Variants in JARID2 observed in about 807,000 individuals in gnomAD.
JARID2 encodes the protein protein Jumonji.
In JARID2, 21 loss-of-function variants were observed where a neutral mutation model predicts 125.6. That is an observed-to-expected ratio of 0.17 (90% CI 0.12 to 0.24). The LOEUF is 0.24. Ranked by LOEUF, JARID2 falls within the 10% of genes least tolerant of loss-of-function variation. JARID2 has a pLI of 1.00. For missense variants in JARID2, 1,303 were observed against 1,639.6 expected (o/e 0.79, Z 3.55); for synonymous variants, 736 against 661.6 (o/e 1.11, Z -1.73).
At position 15,496,717 on chromosome 6, in the gene JARID2, C is replaced by A. The variant is rs371504573; in HGVS notation, c.1492C>A (p.Arg498=). ...GCCGGAGCGCAGTCTGGAGAGGAAT[C>A]GGCCGAAGCGGGCCACGGCCGGGAA... ...EVPERSLERN[R]PKRATAGKST... is the part of the protein sequence containing the mutation. The change falls in exon 7 of 18, where the codon CGG becomes AGG. Residue 498 remains arginine, a synonymous_variant. Coordinates refer to ENST00000341776, the MANE Select transcript of JARID2 (RefSeq NM_004973.4). 1.9e-6 allele frequency: 3 copies of A among 1,613,484 alleles called. No individual in the cohort carries two copies. Among genetic ancestry groups the A allele is most frequent in the Non-Finnish European group, 2.5e-6 (3 of 1,179,954 alleles).
intron 2 of JARID2, among the ~76,000 whole-genome samples, chr6:15,396,190 C>T (rs1204122282): frequency 6.6e-6 from 1 of 152,074 alleles, no homozygotes. Context: ...TTATGTGTTT[C>T]TTTTTCCAGC....
At chr6:15,419,036 T>C (rs748588970) in intron 3 of JARID2, among the ~76,000 whole-genome samples, 3 of 152,202 alleles carry the variant, frequency 2.0e-5, no homozygotes, top group Non-Finnish European at 2.9e-5. Context: ...TCCTTAATAA[T>C]TGGAATTATA....
At chr6:15,485,295 A>T (rs1769814860) in intron 5 of JARID2, among the ~76,000 whole-genome samples, 1 of 152,252 alleles carries the variant, frequency 6.6e-6, no homozygotes, top group South Asian at 2.1e-4. Context: ...TCTCCATCTT[A>T]TACCATGACA....
At position 15,290,871 on chromosome 6, in the gene JARID2, C is replaced by T. The variant is rs137958094; in HGVS notation, c.45+44287C>T. On this transcript the variant is annotated intron_variant, in intron 1 of 17. Coordinates refer to ENST00000341776, the MANE Select transcript of JARID2 (RefSeq NM_004973.4). ...TGCTGACCTCGTGATCCGCCTGCCT[C>T]GGCCTCCCAGAGTGCTGGGATTACA... 3.0e-4 allele frequency among the ~76,000 whole-genome samples: 45 copies of T among 152,314 alleles called. 2 individuals carry two copies. The East Asian group carries it at 6.6e-3, about 22-fold the overall frequency.
In JARID2 at chr6:15,433,821, G is replaced by A. The variant is rs79141419; in HGVS notation, c.324-18185G>A. Among the ~76,000 whole-genome samples the A allele has an allele frequency of 1.8e-3, 274 of 152,126 alleles. 1 individual carries two copies. The highest frequency in any genetic ancestry group is 5.9e-3 in the African/African-American group (246 of 41,488). On this transcript the variant is annotated intron_variant, in intron 3 of 17. Coordinates refer to ENST00000341776, the MANE Select transcript of JARID2 (RefSeq NM_004973.4). ...CTTTTCTCTTATAATTAGCATTAAT[G>A]GATGATACTGTGGCTGACAATAATG...
chr6:15,402,015 A>T (rs1159853998), intron 2 of JARID2, among the ~76,000 whole-genome samples: 1 of 152,036 alleles, frequency 6.6e-6, no homozygotes, highest in East Asian at 1.9e-4. Context: ...TAATAAGGAA[A>T]CAGGGGAACT....
At chr6:15,258,505 C>T (rs754809758) in intron 1 of JARID2, among the ~76,000 whole-genome samples, 7 of 152,150 alleles carry the variant, frequency 4.6e-5, no homozygotes, top group South Asian at 2.1e-4. Flanking sequence ...TGACTATAGC[C>T]GGACGTGGTG....
At chr6:15,306,742 A>C (rs946656269) in intron 1 of JARID2, among the ~76,000 whole-genome samples, 1 of 151,868 alleles carries the variant, frequency 6.6e-6, no homozygotes, top group Non-Finnish European at 1.5e-5. Flanking sequence ...GGTACTTAAA[A>C]ATTTTTTTTG....
intron 1 of JARID2, among the ~76,000 whole-genome samples, chr6:15,275,596 C>T (rs894369279): frequency 7.6e-6 from 1 of 131,884 alleles, no homozygotes; most frequent in Non-Finnish European, 1.5e-5. Context: ...TTTGAAATTA[C>T]ATGAGTATCC....
At chr6:15,438,888 C>A (rs1767327758) in intron 3 of JARID2, among the ~76,000 whole-genome samples, 1 of 152,068 alleles carries the variant, frequency 6.6e-6, no homozygotes, top group Admixed American at 6.6e-5. Flanking sequence ...AAAAATTAGC[C>A]AGGCATGGTG....
chr6:15,303,376 C>T (rs1325243881), intron 1 of JARID2, among the ~76,000 whole-genome samples: 1 of 152,256 alleles, frequency 6.6e-6, no homozygotes, highest in East Asian at 1.9e-4. Context: ...AAGTATGCTA[C>T]TGCTTTGCCT....
chr6:15,385,494 T>C (rs1764749856), intron 2 of JARID2, among the ~76,000 whole-genome samples: 1 of 150,920 alleles, frequency 6.6e-6, no homozygotes. Flanking sequence ...GATTTTTTAA[T>C]AGATTTTTTA....
intron 1 of JARID2, chr6:15,249,064 G>T (rs1759329652): frequency 1.8e-6 from 1 of 542,650 alleles, no homozygotes; most frequent in Non-Finnish European, 2.4e-6. Flanking sequence ...CCTCCTTTCT[G>T]CAGGAATGTT....
chr6:15,374,706 G>C (rs1003780891), intron 2 of JARID2, among the ~76,000 whole-genome samples: 1 of 152,200 alleles, frequency 6.6e-6, no homozygotes, highest in Admixed American at 6.5e-5. Flanking sequence ...CAGTGGGACA[G>C]CTTTGCATAC....
chr6:15,493,473 T>C (rs1286159080), intron 6 of JARID2, among the ~76,000 whole-genome samples: 1 of 152,190 alleles, frequency 6.6e-6, no homozygotes, highest in Non-Finnish European at 1.5e-5. Context: ...TGATTAGCGA[T>C]ATACGAAGCC....
intron 1 of JARID2, among the ~76,000 whole-genome samples, chr6:15,283,039 C>T (rs1210427375): frequency 4.6e-5 from 7 of 151,722 alleles, no homozygotes; most frequent in East Asian, 3.9e-4. Flanking sequence ...AGTGTAGTGG[C>T]GCGATCTTGG....
At chr6:15,308,355 A>G (rs1761905637) in intron 1 of JARID2, among the ~76,000 whole-genome samples, 1 of 152,204 alleles carries the variant, frequency 6.6e-6, no homozygotes, top group African/African-American at 2.4e-5. Context: ...GGCCATCTGG[A>G]TCTGGAGCCT....
rs1377069829 is a variant in JARID2, at chr6:15,509,164, A to G, written c.2846+710A>G. On this transcript the variant is annotated intron_variant, in intron 12 of 17. Coordinates refer to ENST00000341776, the MANE Select transcript of JARID2 (RefSeq NM_004973.4). ...TGATTGAGGCTGGGTCCCCGCCTGT[A>G]ATCCTGACTCTCACTGCACCCATCC... 5 of 1,284,582 alleles carry G rather than the reference A, an allele frequency of 3.9e-6. No homozygotes were observed. In the South Asian group the frequency reaches 6.2e-5, roughly 16 times the overall value. The allele number at this position is 1,284,582 out of a possible 1,614,324, so 79.6% of individuals were successfully genotyped here. A position where few individuals can be genotyped will look rare whatever the true frequency, so the allele number is the denominator to read the frequency against.
chr6:15,292,081 A>T (rs1382481454), intron 1 of JARID2, among the ~76,000 whole-genome samples: 1 of 151,984 alleles, frequency 6.6e-6, no homozygotes, highest in African/African-American at 2.4e-5. Context: ...CAGTGGCGCC[A>T]TCTCGGCTCA....
Sources: allele counts gnomAD v4.1 joint callset (sites outside exome capture counted in the v4.1 genomes callset), GRCh38; gene constraint gnomAD v4.1.1; transcripts MANE v1.5; gene names NCBI Gene and HGNC (gene_info 2026-07-23, HGNC 2026-07-21).